Variants in KSR2 observed in about 807,000 individuals in gnomAD.
KSR2 encodes kinase suppressor of ras 2.
A neutral mutation model predicts 107.8 loss-of-function variants in KSR2; 25 were observed. The observed-to-expected ratio is 0.23, with a 90% CI of 0.17 to 0.32. KSR2 has a LOEUF of 0.32. Ranked by LOEUF, KSR2 falls within the 10% of genes least tolerant of loss-of-function variation. The pLI, the probability that KSR2 is intolerant of heterozygous loss-of-function variation, is 1.00. For missense variants in KSR2, 887 were observed against 1,268.9 expected, an observed-to-expected ratio of 0.70 and a Z score of 4.57; for synonymous variants, 480 against 507.0, an observed-to-expected ratio of 0.95 and a Z score of 0.71.
At chr12:117,655,285 T>G (rs539620259) in intron 5 of KSR2, among the ~76,000 whole-genome samples, 2 of 152,306 alleles carry the variant, frequency 1.3e-5, no homozygotes, top group East Asian at 3.9e-4. Flanking sequence ...GGCACTCACT[T>G]TACAGCTAAA....
rs150956686 is a variant in KSR2, at chr12:117,749,379, G to T, written c.986+11632C>A. On this transcript the variant is annotated intron_variant, in intron 4 of 19. Coordinates refer to ENST00000339824, the MANE Select transcript of KSR2 (RefSeq NM_173598.6). ...GTAGCCAAGGTGGGATTCACCTTGG[G>T]CTCCTTCTAAAACACCTCCTAGGAA... Among the ~76,000 whole-genome samples, 32 of 151,848 alleles carry T rather than the reference G, an allele frequency of 2.1e-4. No individual in the cohort carries two copies. The East Asian group carries it at 6.1e-3, about 29-fold the overall frequency.
chr12:117,838,857 C>G (rs773187991), intron 3 of KSR2, among the ~76,000 whole-genome samples: 2 of 152,202 alleles, frequency 1.3e-5, no homozygotes, highest in Non-Finnish European at 2.9e-5. Flanking sequence ...GGTTAGCAAA[C>G]ATTTTCTCTA....
chr12:117,482,560 G>A (rs577286485), intron 16 of KSR2, among the ~76,000 whole-genome samples: 1 of 152,186 alleles, frequency 6.6e-6, no homozygotes, highest in Non-Finnish European at 1.5e-5. Context: ...GCAGGGGTGG[G>A]AGGGGCTGCT....
At chr12:117,519,479 G>C (rs560060874) in intron 14 of KSR2, among the ~76,000 whole-genome samples, 1 of 152,304 alleles carries the variant, frequency 6.6e-6, no homozygotes, top group East Asian at 1.9e-4. Flanking sequence ...CAAGTTCACA[G>C]GTAAGGCTGG....
chr12:117,884,461 C>T (rs1894115445), intron 1 of KSR2, among the ~76,000 whole-genome samples: 1 of 152,170 alleles, frequency 6.6e-6, no homozygotes, highest in Admixed American at 6.5e-5. Context: ...TGAACACAGT[C>T]TTCTGAAAGG....
chr12:117,964,274 C>A (rs1896735172), intron 1 of KSR2, among the ~76,000 whole-genome samples: 1 of 152,144 alleles, frequency 6.6e-6, no homozygotes, highest in Non-Finnish European at 1.5e-5. Context: ...TCCGTTCTAT[C>A]CTCTCTTGGA....
At chr12:117,589,669 G>GC (rs1854023014) in intron 5 of KSR2, among the ~76,000 whole-genome samples, 1 of 152,156 alleles carries the variant, frequency 6.6e-6, no homozygotes, top group Admixed American at 6.5e-5. Context: ...TATCCAAGGC[G>GC]CCAACCAATC....
At chr12:117,776,603 G>A (rs1235799375) in intron 3 of KSR2, among the ~76,000 whole-genome samples, 1 of 152,092 alleles carries the variant, frequency 6.6e-6, no homozygotes, top group African/African-American at 2.4e-5. Flanking sequence ...ACAGGCCCCT[G>A]GGAGTCATGG....
At chr12:117,552,110 G>C (rs1343621218) in intron 9 of KSR2, among the ~76,000 whole-genome samples, 3 of 152,184 alleles carry the variant, frequency 2.0e-5, no homozygotes, top group African/African-American at 4.8e-5. Context: ...CCCTCTCCTA[G>C]AGACCTATAT....
chr12:117,536,617 A>G (rs1397426925), intron 10 of KSR2, among the ~76,000 whole-genome samples: 1 of 152,254 alleles, frequency 6.6e-6, no homozygotes, highest in East Asian at 1.9e-4. Flanking sequence ...CAATAAATAG[A>G]ATATTATACT....
intron 1 of KSR2, among the ~76,000 whole-genome samples, chr12:117,862,041 T>C (rs958867135): frequency 6.6e-6 from 1 of 151,730 alleles, no homozygotes; most frequent in African/African-American, 2.4e-5. Context: ...AGTAGTTACC[T>C]GAGATATAAT....
intron 4 of KSR2, among the ~76,000 whole-genome samples, chr12:117,702,090 C>G (rs1886350425): frequency 6.6e-6 from 1 of 152,184 alleles, no homozygotes; most frequent in Non-Finnish European, 1.5e-5. Context: ...GCAACATGCT[C>G]CCTTGCCCAC....
intron 14 of KSR2, among the ~76,000 whole-genome samples, chr12:117,491,913 GGCA>G (rs1872765143): frequency 6.6e-6 from 1 of 152,198 alleles, no homozygotes; most frequent in East Asian, 1.9e-4. Context: ...CATCGCCTAC[GGCA>G]ATGAAGATTA....
intron 4 of KSR2, among the ~76,000 whole-genome samples, chr12:117,669,597 G>A (rs1178766312): frequency 2.6e-5 from 4 of 151,770 alleles, no homozygotes; most frequent in Non-Finnish European, 5.9e-5. Context: ...GCTGAGTGCA[G>A]TGTCTCATCT....
chr12:117,631,718 T>C (rs904806849), intron 5 of KSR2, among the ~76,000 whole-genome samples: 1 of 152,156 alleles, frequency 6.6e-6, no homozygotes, highest in Admixed American at 6.5e-5. Flanking sequence ...TACTGATCAA[T>C]AGGAAGAATC....
intron 1 of KSR2, among the ~76,000 whole-genome samples, chr12:117,958,941 C>G (rs1244591954): frequency 6.6e-6 from 1 of 151,866 alleles, no homozygotes; most frequent in Admixed American, 6.6e-5. Context: ...AGAGTGAGTA[C>G]AGTAAACAAT....
At chr12:117,790,003 A>C (rs1255749197) in intron 3 of KSR2, among the ~76,000 whole-genome samples, 1 of 152,164 alleles carries the variant, frequency 6.6e-6, no homozygotes, top group African/African-American at 2.4e-5. Flanking sequence ...ACCCTAGACC[A>C]ATGCCCTGGG....
intron 2 of KSR2, among the ~76,000 whole-genome samples, chr12:117,859,495 C>T (rs1893215666): frequency 6.9e-6 from 1 of 145,576 alleles, no homozygotes; most frequent in South Asian, 2.2e-4. Context: ...CTCACTCTGT[C>T]ACCCAGGCTG....
chr12:117,933,415 T>C (rs148831392), intron 1 of KSR2, among the ~76,000 whole-genome samples: 2,339 of 151,912 alleles, frequency 0.015, 58 homozygotes, highest in African/African-American at 0.053. Context: ...ACGGTGAGAC[T>C]CCGTCTCTAC....
Sources: gnomAD v4.1 joint callset for allele counts (sites outside exome capture counted in the v4.1 genomes callset) on GRCh38, gnomAD v4.1.1 for gene constraint, MANE v1.5 for transcripts, NCBI Gene and HGNC (gene_info 2026-07-23, HGNC 2026-07-21) for gene names.